The following TNRC6B variants were observed in gnomAD, a reference collection of about 807,000 sequenced individuals.
TNRC6B encodes trinucleotide repeat containing adaptor 6B.
A neutral mutation model predicts 203.6 loss-of-function variants in TNRC6B; 52 were observed. The observed-to-expected ratio is 0.26, with a 90% CI of 0.20 to 0.32. TNRC6B has a LOEUF of 0.32. TNRC6B is among the 10% of genes least tolerant of loss of function. The pLI is 1.00. For missense variants in TNRC6B, 1,923 were observed against 2,286.2 expected, an observed-to-expected ratio of 0.84 and a Z score of 3.24; for synonymous variants, 838 against 845.7, an observed-to-expected ratio of 0.99 and a Z score of 0.16.
intron 1 of TNRC6B, among the ~76,000 whole-genome samples, chr22:40,228,918 A>G (rs1287725989): frequency 6.6e-6 from 1 of 152,172 alleles, no homozygotes; most frequent in Non-Finnish European, 1.5e-5. Context: ...TGTAATGTAT[A>G]GGAAAGTACT....
At chr22:40,067,179 A>T (rs1488329448) in intron 1 of TNRC6B, among the ~76,000 whole-genome samples, 1 of 152,174 alleles carries the variant, frequency 6.6e-6, no homozygotes, top group Non-Finnish European at 1.5e-5. Context: ...AAAGAAACTG[A>T]TATCACTCTG....
intron 1 of TNRC6B, among the ~76,000 whole-genome samples, chr22:40,074,706 G>A (rs553835579): frequency 6.6e-6 from 1 of 151,898 alleles, no homozygotes; most frequent in Non-Finnish European, 1.5e-5. Context: ...GTGAACCCTG[G>A]AGGTGGAGCT....
chr22:40,311,858 A>G (rs979357258), intron 17 of TNRC6B, among the ~76,000 whole-genome samples: 3 of 152,198 alleles, frequency 2.0e-5, no homozygotes, highest in African/African-American at 7.2e-5. Flanking sequence ...AGAACTGTAT[A>G]ATGCAGATCG....
intron 2 of TNRC6B, among the ~76,000 whole-genome samples, chr22:40,120,455 T>C (rs538548681): frequency 2.0e-5 from 3 of 152,200 alleles, no homozygotes; most frequent in East Asian, 3.9e-4. Flanking sequence ...ATTAGCATGT[T>C]GTGTGCTGAG....
At chr22:40,100,104 T>A (rs2068224099) in intron 1 of TNRC6B, among the ~76,000 whole-genome samples, 1 of 138,672 alleles carries the variant, frequency 7.2e-6, no homozygotes, top group African/African-American at 2.8e-5. Context: ...ATTTATTTAT[T>A]TATGGAGACA....
At chr22:40,077,269 C>T (rs1249759012) in intron 1 of TNRC6B, among the ~76,000 whole-genome samples, 1 of 152,082 alleles carries the variant, frequency 6.6e-6, no homozygotes, top group Non-Finnish European at 1.5e-5. Flanking sequence ...CTGCAAAGTG[C>T]CCACGAGCAG....
At position 40,125,358 on chromosome 22, in the gene TNRC6B, C is replaced by T. The variant is rs573616981; in HGVS notation, c.-46-414C>T. Among the ~76,000 whole-genome samples, 14 of 152,258 alleles carry T rather than the reference C, an allele frequency of 9.2e-5. No homozygotes were observed. The South Asian group carries it at 2.3e-3, about 25-fold the overall frequency. ...CGGGAAACCCTGCCAATTCCAATAG[C>T]CTTAGCCTAATACCCAGGCACTGTG... On this transcript the variant is annotated intron_variant, in intron 2 of 23. Coordinates refer to the TNRC6B transcript ENST00000301923.
At chr22:40,120,188 A>G (rs1410453544) in intron 2 of TNRC6B, among the ~76,000 whole-genome samples, 4 of 151,796 alleles carry the variant, frequency 2.6e-5, no homozygotes, top group East Asian at 3.9e-4. Context: ...TGAAATCCCA[A>G]CTCTACCATA....
intron 1 of TNRC6B, among the ~76,000 whole-genome samples, chr22:40,082,666 A>C (rs1256898866): frequency 1.3e-5 from 2 of 152,216 alleles, no homozygotes; most frequent in African/African-American, 4.8e-5. Context: ...AGAGAGACCA[A>C]TGGGGAAGCT....
intron 1 of TNRC6B, among the ~76,000 whole-genome samples, chr22:40,096,949 G>T (rs746564353): frequency 5.9e-5 from 9 of 152,192 alleles, no homozygotes; most frequent in Non-Finnish European, 1.2e-4. Flanking sequence ...TGACACAAAA[G>T]GTTATCAGAG....
At chr22:40,130,502 C>T (rs534778680) in intron 3 of TNRC6B, among the ~76,000 whole-genome samples, 1 of 152,214 alleles carries the variant, frequency 6.6e-6, no homozygotes, top group Non-Finnish European at 1.5e-5. Context: ...AATGAATTGG[C>T]CGGGCGCGGT....
At position 40,324,292 on chromosome 22, in the gene TNRC6B, T is replaced by C. The variant is rs894290428; in HGVS notation, c.*1051T>C. ...GGAGCAACGGTGTGTTTATTTCTGTTTTTTTTTTTTTTTAAGTGAATGGCC... is the reference window on the plus strand; with the variant it reads ...GGAGCAACGGTGTGTTTATTTCTGTCTTTTTTTTTTTTTAAGTGAATGGCC... On this transcript the variant is annotated 3_prime_UTR_variant, in exon 23 of 23. Coordinates refer to ENST00000454349, the MANE Select transcript of TNRC6B (RefSeq NM_001162501.2). 2.7e-5 allele frequency: 4 copies of C among 147,386 alleles called. No homozygotes were observed. The highest frequency in any genetic ancestry group is 6.0e-5 in the Non-Finnish European group (4 of 66,122). 9.1% of individuals were successfully genotyped at this position (147,386 alleles called of 1,614,324 possible). A position where few individuals can be genotyped will look rare whatever the true frequency, so the allele number is the denominator to read the frequency against.
chr22:40,048,089 C>T (rs975900944), intron 1 of TNRC6B, among the ~76,000 whole-genome samples: 3 of 152,218 alleles, frequency 2.0e-5, no homozygotes, highest in Non-Finnish European at 2.9e-5. Context: ...TCTCTCCGTT[C>T]TACTATCATG....
intron 4 of TNRC6B, among the ~76,000 whole-genome samples, chr22:40,162,931 C>A (rs1223799571): frequency 6.6e-6 from 1 of 152,144 alleles, no homozygotes. Context: ...AAACCATCAA[C>A]ATTTTTTTGT....
At chr22:40,048,067 C>T (rs1032762038) in intron 1 of TNRC6B, among the ~76,000 whole-genome samples, 2 of 152,230 alleles carry the variant, frequency 1.3e-5, no homozygotes, top group Non-Finnish European at 2.9e-5. Flanking sequence ...AAAATTCTGT[C>T]AGTTTGCTGG....
At chr22:40,260,868 T>G (rs2070370613) in intron 3 of TNRC6B, among the ~76,000 whole-genome samples, 1 of 152,208 alleles carries the variant, frequency 6.6e-6, no homozygotes, top group South Asian at 2.1e-4. Context: ...ACCTTCATCC[T>G]ACCTTCAGCA....
At chr22:40,078,434 G>GTCCT (rs2068037743) in intron 1 of TNRC6B, among the ~76,000 whole-genome samples, 2 of 152,052 alleles carry the variant, frequency 1.3e-5, no homozygotes, top group South Asian at 4.1e-4. Flanking sequence ...TGAGGCAGGA[G>GTCCT]GATCACTTGA....
chr22:40,254,998 C>T (rs771461083), intron 3 of TNRC6B, among the ~76,000 whole-genome samples: 3 of 152,182 alleles, frequency 2.0e-5, no homozygotes, highest in Non-Finnish European at 4.4e-5. Flanking sequence ...CTCCATGGAC[C>T]TTGTGGAGTT....
At chr22:40,312,083 T>G (rs1378407029) in intron 17 of TNRC6B, among the ~76,000 whole-genome samples, 1 of 152,268 alleles carries the variant, frequency 6.6e-6, no homozygotes, top group Non-Finnish European at 1.5e-5. Context: ...ATTACATTTT[T>G]TGCATTTTGG....
Sources: allele counts gnomAD v4.1 joint callset (sites outside exome capture counted in the v4.1 genomes callset), GRCh38; gene constraint gnomAD v4.1.1; transcripts MANE v1.5; gene names NCBI Gene and HGNC (gene_info 2026-07-23, HGNC 2026-07-21).